The following MASTL variants were observed in gnomAD, a reference collection of about 807,000 sequenced individuals.
MASTL encodes the protein serine/threonine-protein kinase greatwall.
In MASTL, 54 loss-of-function variants were observed where a neutral mutation model predicts 82.5. The observed-to-expected ratio is 0.65, with a 90% CI of 0.53 to 0.82. The LOEUF (loss-of-function observed/expected upper bound fraction) is 0.82, where lower values mean the gene tolerates loss of function less well. MASTL is among the 40% of genes least tolerant of loss of function. The pLI is 0.00. For synonymous variants in MASTL, 323 were observed against 368.9 expected (o/e 0.88, Z 1.43); for missense variants, 950 against 1,047.8 (o/e 0.91, Z 1.29).
chr10:27,158,151 C>A (rs1009775825), intron 1 of MASTL, among the ~76,000 whole-genome samples: 1 of 152,096 alleles, frequency 6.6e-6, no homozygotes, highest in Non-Finnish European at 1.5e-5. Context: ...AGTGTAAGGT[C>A]CACATGACAT....
Position 27,165,981 on chromosome 10 carries a change from C to T in MASTL, c.811+442C>T, listed in dbSNP as rs182244015. On this transcript the variant is annotated intron_variant, in intron 6 of 11. Transcript: ENST00000375940. The stretch of plus-strand genomic sequence containing the variant: ...CAGCAGTTTGGGCAGCCGAGGCGGG[C>T]GGATCCCTTAAGGTCAGGAGTTCGA... Among the ~76,000 whole-genome samples the T allele has an allele frequency of 1.6e-3, 237 of 151,890 alleles. 1 individual carries two copies. The highest frequency in any genetic ancestry group is 5.3e-3 in the African/African-American group (219 of 41,480).
At chr10:27,163,921 C>T (rs1189369988) in intron 4 of MASTL, among the ~76,000 whole-genome samples, 3 of 143,268 alleles carry the variant, frequency 2.1e-5, no homozygotes, top group Non-Finnish European at 4.6e-5. Context: ...TGAACCACCG[C>T]GCCCAGCCTA....
In MASTL at chr10:27,155,589, G is replaced by C; in HGVS notation, c.163G>C (p.Gly55Arg). The C allele has an allele frequency of 6.2e-7, 1 of 1,614,242 alleles. No individual in the cohort carries two copies. Among genetic ancestry groups the C allele is most frequent in the Non-Finnish European group, 8.5e-7 (1 of 1,180,030 alleles). ...CGGGAAAGTGTATCTGGGGCAGAAA[G>C]GCGGCAAATTGTATGCAGTAAAGGT... The part of the protein sequence containing the change: ...AFGKVYLGQK[G>R]GKLYAVKVVK... The change falls in exon 1 of 12, where the codon GGC (glycine) becomes CGC (arginine). Residue 55 changes from glycine to arginine, a missense_variant. Gly to Arg is a moderately radical substitution (Grantham distance 125). Coordinates refer to ENST00000375940, the MANE Select transcript of MASTL (RefSeq NM_001172303.3).
chr10:27,170,255 G>A lies in MASTL; in HGVS notation c.1296G>A (p.Gly432=). The A allele has an allele frequency of 6.2e-7, 1 of 1,614,070 alleles. No individual in the cohort carries two copies. The highest frequency in any genetic ancestry group is 2.2e-5 in the East Asian group (1 of 44,880). Residue 432 remains glycine (G), a synonymous_variant, in exon 8 of 12, where the codon GGG becomes GGA. Coordinates refer to ENST00000375940, the MANE Select transcript of MASTL (RefSeq NM_001172303.3). The stretch of plus-strand genomic sequence containing the variant: ...ATCAGTGGGCTGTGGATTCTGGTGG[G>A]ATATCTGAAGAGCACCTTGGGAAAA... ...QSNQWAVDSG[G]ISEEHLGKRS...
chr10:27,183,202 A>T (rs185741672), intron 11 of MASTL, among the ~76,000 whole-genome samples: 1 of 152,160 alleles, frequency 6.6e-6, no homozygotes, highest in African/African-American at 2.4e-5. Flanking sequence ...AGTTTTCTCA[A>T]TGCAGGAGTA....
At chr10:27,179,775 A>T (rs1475077316) in intron 9 of MASTL, among the ~76,000 whole-genome samples, 1 of 152,196 alleles carries the variant, frequency 6.6e-6, no homozygotes, top group Non-Finnish European at 1.5e-5. Context: ...GGCCTTCCCT[A>T]GTTACCAGGC....
upstream of MASTL, chr10:27,155,205 C>T (rs1436645005): frequency 5.2e-6 from 3 of 581,910 alleles, no homozygotes; most frequent in Admixed American, 3.0e-5. Context: ...TCAGTGGGGC[C>T]GCGGTCGCCG....
At position 27,170,658 on chromosome 10, in the gene MASTL, A is replaced by G. The variant is rs371475858; in HGVS notation, c.1699A>G (p.Met567Val). ...TGATAGAGCTTCTAAAAATATTTCT[A>G]TGAACTCTGATTCATCTTTTCCTGG... is the stretch of plus-strand genomic sequence containing the variant. ...DDDRASKNIS[M>V]NSDSSFPGIS... Residue 567 changes from methionine (M) to valine (V), a missense_variant, in exon 8 of 12, where the codon ATG (methionine) becomes GTG (valine). Transcript: ENST00000375940. The G allele has an allele frequency of 1.2e-6, 2 of 1,609,800 alleles. No homozygotes were observed. The highest frequency in any genetic ancestry group is 1.7e-6 in the Non-Finnish European group (2 of 1,178,860).
Position 27,170,854 on chromosome 10 carries a change from A to G in MASTL, c.1895A>G (p.Asn632Ser). The G allele has an allele frequency of 6.2e-7, 1 of 1,614,190 alleles. No homozygotes were observed. Among genetic ancestry groups the G allele is most frequent in the South Asian group, 1.1e-5 (1 of 91,084 alleles). Residue 632 changes from asparagine to serine, a missense_variant, in exon 8 of 12, where the codon AAC (asparagine) becomes AGC (serine). Transcript: ENST00000375940. ...GAGAACCCTGCTGTACAAGAGAGTA[A>G]CCAAAAAATGTTAGGTCCTCCTTTG... Reference protein sequence around the residue: ...GVENPAVQESNQKMLGPPLEV... With the variant: ...GVENPAVQESSQKMLGPPLEV...
chr10:27,171,494 G>A (rs1237969264), intron 8 of MASTL, among the ~76,000 whole-genome samples: 1 of 151,290 alleles, frequency 6.6e-6, no homozygotes, highest in Non-Finnish European at 1.5e-5. Flanking sequence ...GTGCAGTAGT[G>A]TGATCTTGGC....
At position 27,159,564 on chromosome 10, in the gene MASTL, T is replaced by A; in HGVS notation, c.325-55T>A. On this transcript the variant is annotated intron_variant, in intron 2 of 11. Coordinates refer to ENST00000375940, the MANE Select transcript of MASTL (RefSeq NM_001172303.3). The surrounding 1 kb of genome is among the most constrained non-coding windows in gnomAD (Gnocchi z 4.0). ...GTAACTGTAATGCCCAAATACTAGA[T>A]TTTTAAAGTAATCATATTGTTTTTA... 1 of 1,288,572 alleles carries A rather than the reference T, an allele frequency of 7.8e-7. No individual in the cohort carries two copies. Among genetic ancestry groups the A allele is most frequent in the Non-Finnish European group, 1.1e-6 (1 of 894,236 alleles). The allele number at this position is 1,288,572 out of a possible 1,614,324, so 79.8% of individuals were successfully genotyped here.
chr10:27,182,898 T>A (rs2058408824), intron 11 of MASTL, among the ~76,000 whole-genome samples: 1 of 151,934 alleles, frequency 6.6e-6, no homozygotes, highest in Non-Finnish European at 1.5e-5. Flanking sequence ...TCCTCCCACC[T>A]CAGCCTCCCC....
In MASTL at chr10:27,167,146, C is replaced by T; in HGVS notation, c.856C>T (p.Leu286=). 1.2e-6 allele frequency: 2 copies of T among 1,614,036 alleles called. No individual in the cohort carries two copies. Among genetic ancestry groups the T allele is most frequent in the African/African-American group, 1.3e-5 (1 of 75,036 alleles). ...CAACCCAGGAATGCCTGTGAAGTGT[C>T]TAACTTCTAATTTACTCCAGTCTAG... is the stretch of plus-strand genomic sequence containing the variant. The part of the protein sequence containing the change: ...ASNPGMPVKC[L]TSNLLQSRKR... Residue 286 remains leucine, a synonymous_variant, in exon 7 of 12, where the codon CTA becomes TTA. Coordinates refer to ENST00000375940, the MANE Select transcript of MASTL (RefSeq NM_001172303.3).
intron 9 of MASTL, among the ~76,000 whole-genome samples, chr10:27,180,158 A>G (rs998283166): frequency 2.0e-5 from 3 of 152,200 alleles, no homozygotes; most frequent in African/African-American, 7.2e-5. Flanking sequence ...TGGCGTGGGC[A>G]ATAAAGGAAT....
chr10:27,166,604 T>G (rs2057749557), intron 6 of MASTL, among the ~76,000 whole-genome samples: 1 of 152,022 alleles, frequency 6.6e-6, no homozygotes, highest in Non-Finnish European at 1.5e-5. Context: ...GAGACCCCCA[T>G]CTCTAGAAAA....
At chr10:27,178,025 A>G (rs1475797274) in intron 9 of MASTL, among the ~76,000 whole-genome samples, 2 of 152,174 alleles carry the variant, frequency 1.3e-5, no homozygotes, top group Non-Finnish European at 2.9e-5. Flanking sequence ...GGCGTTTTTC[A>G]TCAACTTTTA....
chr10:27,159,320 G>T lies in MASTL; in HGVS notation c.325-299G>T, dbSNP rs992045285. Among the ~76,000 whole-genome samples, 13 of 152,218 alleles carry T rather than the reference G, an allele frequency of 8.5e-5. No individual in the cohort carries two copies. The South Asian group carries it at 1.9e-3, about 22-fold the overall frequency. On this transcript the variant is annotated intron_variant, in intron 2 of 11. Coordinates refer to ENST00000375940, the MANE Select transcript of MASTL (RefSeq NM_001172303.3). The surrounding 1 kb of genome is among the most constrained non-coding windows in gnomAD (Gnocchi z 4.0). ...GTAATTTTAGTAGGGACGGGGTTTT[G>T]CTATGTTGGCCAGGCTAGTCTCGAA...
chr10:27,183,932 G>C (rs2058477727), intron 11 of MASTL, among the ~76,000 whole-genome samples: 1 of 151,930 alleles, frequency 6.6e-6, no homozygotes, highest in African/African-American at 2.4e-5. Flanking sequence ...GGCTGGTCTC[G>C]AACTCCTGGG....
At chr10:27,162,011 A>C (rs868113349) in intron 4 of MASTL, among the ~76,000 whole-genome samples, 1 of 152,268 alleles carries the variant, frequency 6.6e-6, no homozygotes, top group Non-Finnish European at 1.5e-5. Flanking sequence ...AAATGCTAAT[A>C]TAAGAAAGAG....
Sources: gnomAD v4.1 joint callset for allele counts (sites outside exome capture counted in the v4.1 genomes callset) on GRCh38, gnomAD v4.1.1 for gene constraint, Gnocchi (gnomAD v3.1) non-coding constraint, MANE v1.5 for transcripts, NCBI Gene and HGNC (gene_info 2026-07-23, HGNC 2026-07-21) for gene names.